Variants in TMEM178B observed in about 807,000 individuals in gnomAD.
TMEM178B encodes transmembrane protein 178B.
TMEM178B carries 5 observed loss-of-function variants against 31.0 expected under a neutral mutation model. That is an observed-to-expected ratio of 0.16 (90% CI 0.08 to 0.34). The LOEUF is 0.34. Among genes scored for constraint, TMEM178B ranks in the 10% least tolerant of loss-of-function variants. TMEM178B has a pLI of 1.00. For synonymous variants in TMEM178B, 164 were observed against 164.0 expected (o/e 1.00, Z 0.00); for missense variants, 275 against 400.3 (o/e 0.69, Z 2.67).
Position 141,469,674 on chromosome 7 carries a change from AT to A in TMEM178B, c.635-860del, listed in dbSNP as rs560166820. Among the ~76,000 whole-genome samples, 497 of 152,308 alleles carry A rather than the reference AT, an allele frequency of 3.3e-3. 1 individual carries two copies. The highest frequency in any genetic ancestry group is 9.4e-3 in the African/African-American group (389 of 41,572). The stretch of plus-strand genomic sequence containing the variant: ...AACACGGCAAATGCAGAGAAAAGTT[AT>A]TGAATTCATTTTAGGCACACCAAAA... On this transcript the variant is annotated intron_variant, in intron 3 of 3. Coordinates refer to ENST00000565468, the MANE Select transcript of TMEM178B (RefSeq NM_001195278.2).
chr7:141,112,998 A>C (rs1431448177), intron 1 of TMEM178B, among the ~76,000 whole-genome samples: 1 of 152,220 alleles, frequency 6.6e-6, no homozygotes, highest in African/African-American at 2.4e-5. Flanking sequence ...ACTGGGTATC[A>C]GCAAATACTT....
In TMEM178B at chr7:141,461,038, G is replaced by A. The variant is rs910243872; in HGVS notation, c.635-9498G>A. On this transcript the variant is annotated intron_variant, in intron 3 of 3. Coordinates refer to ENST00000565468, the MANE Select transcript of TMEM178B (RefSeq NM_001195278.2). The surrounding 1 kb of genome is among the most constrained non-coding windows in gnomAD (Gnocchi z 4.0). ...TAAAATGCTCTCGAGAGCTAAATGC[G>A]GCTGAAGCATTTAATCTAAGCAAAG... is the stretch of plus-strand genomic sequence containing the variant. Among the ~76,000 whole-genome samples the A allele has an allele frequency of 2.6e-5, 4 of 152,166 alleles. No homozygotes were observed. Among genetic ancestry groups the A allele is most frequent in the Admixed American group, 6.5e-5 (1 of 15,274 alleles).
chr7:141,404,904 C>T (rs1257995133), intron 2 of TMEM178B, among the ~76,000 whole-genome samples: 1 of 152,198 alleles, frequency 6.6e-6, no homozygotes, highest in Non-Finnish European at 1.5e-5. Flanking sequence ...CTGCTCTGAA[C>T]AACCCTCTGA....
At chr7:141,215,471 G>A (rs898356070) in intron 2 of TMEM178B, among the ~76,000 whole-genome samples, 25 of 151,958 alleles carry the variant, frequency 1.6e-4, no homozygotes, top group Middle Eastern at 3.4e-3. Context: ...GACTACAGGC[G>A]TGTGCCACCA....
Position 141,310,298 on chromosome 7 carries a change from C to A in TMEM178B, c.496+97594C>A, listed in dbSNP as rs540124549. On this transcript the variant is annotated intron_variant, in intron 2 of 3. Coordinates refer to ENST00000565468, the MANE Select transcript of TMEM178B (RefSeq NM_001195278.2). Reference sequence around the variant, plus strand: ...TGAATAGACACTTCTCAAAAGAATACATTTATGAGGCCAACAAATATGAAA... The same window carrying A: ...TGAATAGACACTTCTCAAAAGAATAAATTTATGAGGCCAACAAATATGAAA... Among the ~76,000 whole-genome samples, 4 of 152,066 alleles carry A rather than the reference C, an allele frequency of 2.6e-5. No individual in the cohort carries two copies. In the South Asian group the frequency reaches 8.3e-4, roughly 32 times the overall value.
At chr7:141,223,535 G>A (rs1411020799) in intron 2 of TMEM178B, among the ~76,000 whole-genome samples, 2 of 147,794 alleles carry the variant, frequency 1.4e-5, no homozygotes, top group African/African-American at 2.6e-5. Flanking sequence ...AACTTTGGAG[G>A]TCATAGCCAA....
chr7:141,460,397 C>T (rs533245122), intron 3 of TMEM178B, among the ~76,000 whole-genome samples: 84 of 152,160 alleles, frequency 5.5e-4, no homozygotes, highest in Non-Finnish European at 1.1e-3. Context: ...TAGGGCCCAC[C>T]CTAATGGCCT....
At chr7:141,368,818 G>A (rs1391213219) in intron 2 of TMEM178B, among the ~76,000 whole-genome samples, 1 of 152,122 alleles carries the variant, frequency 6.6e-6, no homozygotes, top group Non-Finnish European at 1.5e-5. Flanking sequence ...AAACATTCCC[G>A]GATCCCCTCT....
chr7:141,332,895 G>A (rs1454897760), intron 2 of TMEM178B, among the ~76,000 whole-genome samples: 1 of 152,236 alleles, frequency 6.6e-6, no homozygotes, highest in Non-Finnish European at 1.5e-5. Context: ...GTGCTTTGCT[G>A]TTCATTTCCT....
chr7:141,159,625 C>T (rs1480978872), intron 1 of TMEM178B, among the ~76,000 whole-genome samples: 3 of 152,072 alleles, frequency 2.0e-5, no homozygotes, highest in South Asian at 2.1e-4. Context: ...ATCTCAGAAA[C>T]GAGGGAAATT....
At chr7:141,468,067 T>C (rs1802177108) in intron 3 of TMEM178B, among the ~76,000 whole-genome samples, 1 of 152,164 alleles carries the variant, frequency 6.6e-6, no homozygotes, top group Non-Finnish European at 1.5e-5. Context: ...AATTCTTTGG[T>C]TATTGGTAAA....
chr7:141,141,479 A>G (rs1795766908), intron 1 of TMEM178B, among the ~76,000 whole-genome samples: 1 of 152,070 alleles, frequency 6.6e-6, no homozygotes, highest in African/African-American at 2.4e-5. Context: ...TTTGTTTTTT[A>G]TTATAGTACC....
chr7:141,379,166 C>G (rs1800270168), intron 2 of TMEM178B, among the ~76,000 whole-genome samples: 1 of 152,078 alleles, frequency 6.6e-6, no homozygotes, highest in Non-Finnish European at 1.5e-5. Flanking sequence ...CTGGAGCCTT[C>G]TAAAATGGCC....
chr7:141,470,416 AT>A, intron 3 of TMEM178B, 119 bp from the exon 4 acceptor site: 1 of 1,111,074 alleles, frequency 9.0e-7, no homozygotes, highest in Non-Finnish European at 1.2e-6. Context: ...TAGACTTCCC[AT>A]TTTTCCTACT....
chr7:141,158,938 A>T lies in TMEM178B; in HGVS notation c.383-53653A>T, dbSNP rs541576967. On this transcript the variant is annotated intron_variant, in intron 1 of 3. Transcript: ENST00000565468. Reference sequence around the variant, plus strand: ...AAATGGAAATTTAGGATTGTAAAAAAATTAGAGATGGAGAGGACAAGGGAA... The same window carrying T: ...AAATGGAAATTTAGGATTGTAAAAATATTAGAGATGGAGAGGACAAGGGAA... Among the ~76,000 whole-genome samples the T allele has an allele frequency of 6.6e-5, 10 of 152,270 alleles. No individual in the cohort carries two copies. In the South Asian group the frequency reaches 2.1e-3, roughly 32 times the overall value.
At chr7:141,215,371 G>A (rs1469613277) in intron 2 of TMEM178B, among the ~76,000 whole-genome samples, 1 of 142,394 alleles carries the variant, frequency 7.0e-6, no homozygotes, top group Non-Finnish European at 1.5e-5. Flanking sequence ...TGTTGCCCAG[G>A]CTGGAGTGCA....
chr7:141,257,598 C>G (rs944114176), intron 2 of TMEM178B, among the ~76,000 whole-genome samples: 4 of 152,122 alleles, frequency 2.6e-5, no homozygotes, highest in African/African-American at 9.7e-5. Context: ...GCAAAAACTC[C>G]CCTCTGACAG....
chr7:141,331,955 G>T (rs541213099), intron 2 of TMEM178B, among the ~76,000 whole-genome samples: 1 of 152,124 alleles, frequency 6.6e-6, no homozygotes, highest in Admixed American at 6.5e-5. Flanking sequence ...TCTCCCTTTG[G>T]AACATTGCCT....
intron 1 of TMEM178B, among the ~76,000 whole-genome samples, chr7:141,179,654 G>A (rs146985522): frequency 6.6e-6 from 1 of 152,180 alleles, no homozygotes; most frequent in African/African-American, 2.4e-5. Flanking sequence ...CAGGGAGTGG[G>A]ATTTAAGTGG....
Sources: gnomAD v4.1 joint callset for allele counts (sites outside exome capture counted in the v4.1 genomes callset) on GRCh38, gnomAD v4.1.1 for gene constraint, Gnocchi (gnomAD v3.1) non-coding constraint, MANE v1.5 for transcripts, NCBI Gene and HGNC (gene_info 2026-07-23, HGNC 2026-07-21) for gene names.